Variants in GRM5 observed in about 807,000 individuals in gnomAD.
GRM5 encodes the protein metabotropic glutamate receptor 5.
A neutral mutation model predicts 83.1 loss-of-function variants in GRM5; 19 were observed. That is an observed-to-expected ratio of 0.23 (90% CI 0.16 to 0.34). The LOEUF (loss-of-function observed/expected upper bound fraction) is 0.34, where lower values mean the gene tolerates loss of function less well. Ranked by LOEUF, GRM5 falls within the 10% of genes least tolerant of loss-of-function variation. The probability of loss-of-function intolerance (pLI) is 1.00; values close to 1 mark genes in which losing one functional copy is unlikely to be tolerated. For synonymous variants in GRM5, 675 were observed against 633.6 expected (o/e 1.07, Z -0.98); for missense variants, 1,160 against 1,588.3 (o/e 0.73, Z 4.58).
intron 3 of GRM5, among the ~76,000 whole-genome samples, chr11:88,736,393 CTTG>C (rs1372999790): frequency 6.6e-6 from 1 of 151,998 alleles, no homozygotes; most frequent in Non-Finnish European, 1.5e-5. Context: ...GTCCTGGAGG[CTTG>C]TTTTCTCCCA....
At chr11:88,846,183 T>C in intron 3 of GRM5, among the ~76,000 whole-genome samples, 1 of 152,242 alleles carries the variant, frequency 6.6e-6, no homozygotes, top group East Asian at 1.9e-4. Context: ...ATCTTTTCAG[T>C]TGTTAATTTG....
At chr11:89,013,391 CAAG>C (rs2135094659) in intron 2 of GRM5, among the ~76,000 whole-genome samples, 1 of 152,164 alleles carries the variant, frequency 6.6e-6, no homozygotes, top group East Asian at 1.9e-4. Context: ...TTTAAAAGCA[CAAG>C]AAGAGGGAGG....
Position 88,998,221 on chromosome 11 carries a change from C to T in GRM5, c.661+48991G>A, listed in dbSNP as rs182022427. ...GGTAGAATTCAGCAGTACATAAAAA[C>T]GAATTCAGCAGTTTATACACCATGA... On this transcript the variant is annotated intron_variant, in intron 2 of 9. Transcript: ENST00000305447. Among the ~76,000 whole-genome samples the T allele has an allele frequency of 9.9e-5, 15 of 152,132 alleles. No individual in the cohort carries two copies. The East Asian group carries it at 1.5e-3, about 16-fold the overall frequency.
intron 2 of GRM5, among the ~76,000 whole-genome samples, chr11:88,955,348 G>T (rs915085571): frequency 1.3e-5 from 2 of 152,120 alleles, no homozygotes; most frequent in African/African-American, 4.8e-5. Flanking sequence ...ATCTTATGGT[G>T]ATTATTCAGG....
chr11:88,537,141 C>T (rs149177039), intron 8 of GRM5, among the ~76,000 whole-genome samples: 2 of 152,208 alleles, frequency 1.3e-5, no homozygotes, highest in African/African-American at 4.8e-5. Flanking sequence ...TCTGATGGCA[C>T]ATTTGAGAGA....
At chr11:88,768,314 A>T (rs1006805496) in intron 3 of GRM5, among the ~76,000 whole-genome samples, 3 of 152,028 alleles carry the variant, frequency 2.0e-5, no homozygotes, top group African/African-American at 7.2e-5. Flanking sequence ...CTTTGAGGAG[A>T]TAATGTTAAA....
chr11:88,606,054 G>C (rs1938134332), intron 4 of GRM5, among the ~76,000 whole-genome samples: 1 of 152,164 alleles, frequency 6.6e-6, no homozygotes, highest in Non-Finnish European at 1.5e-5. Context: ...GTATCAATCA[G>C]ATGAAGGGAG....
chr11:89,044,164 G>C (rs1366369053), intron 2 of GRM5, among the ~76,000 whole-genome samples: 4 of 152,256 alleles, frequency 2.6e-5, no homozygotes, highest in East Asian at 1.9e-4. Context: ...TTAGTGCAGA[G>C]AGAGTTCTTA....
At chr11:88,833,284 GC>G (rs549899190) in intron 3 of GRM5, among the ~76,000 whole-genome samples, 1 of 151,376 alleles carries the variant, frequency 6.6e-6, no homozygotes, top group African/African-American at 2.4e-5. Context: ...AACTCCCGCT[GC>G]CCCCCCAAAA....
At chr11:89,055,692 A>G (rs1941859051) in intron 1 of GRM5, among the ~76,000 whole-genome samples, 1 of 151,822 alleles carries the variant, frequency 6.6e-6, no homozygotes, top group Admixed American at 6.6e-5. Flanking sequence ...TTATTTAAAT[A>G]AAATTTTAAT....
At chr11:89,004,417 G>C (rs1940469361) in intron 2 of GRM5, among the ~76,000 whole-genome samples, 1 of 152,080 alleles carries the variant, frequency 6.6e-6, no homozygotes, top group South Asian at 2.1e-4. Flanking sequence ...TTATAGATTT[G>C]ATTATCTCTG....
At chr11:88,895,973 G>A (rs1263504913) in intron 2 of GRM5, among the ~76,000 whole-genome samples, 1 of 151,926 alleles carries the variant, frequency 6.6e-6, no homozygotes, top group African/African-American at 2.4e-5. Context: ...ATTGAGAAAA[G>A]TAACATTAGG....
At chr11:89,040,617 T>C (rs1025073727) in intron 2 of GRM5, among the ~76,000 whole-genome samples, 1 of 152,102 alleles carries the variant, frequency 6.6e-6, no homozygotes, top group African/African-American at 2.4e-5. Context: ...AGGAGGATCG[T>C]TTGAGACCAA....
At chr11:88,992,775 C>A (rs1015664372) in intron 2 of GRM5, among the ~76,000 whole-genome samples, 1 of 151,372 alleles carries the variant, frequency 6.6e-6, no homozygotes, top group Non-Finnish European at 1.5e-5. Flanking sequence ...GGACAAAAAA[C>A]CAAGCACCAC....
At chr11:88,597,950 C>A (rs373492996) in intron 5 of GRM5, among the ~76,000 whole-genome samples, 9 of 152,200 alleles carry the variant, frequency 5.9e-5, no homozygotes, top group African/African-American at 2.2e-4. Context: ...CTTGTGAGTT[C>A]TCAGCCTTTG....
At chr11:88,683,797 T>A (rs903392297) in intron 3 of GRM5, among the ~76,000 whole-genome samples, 2 of 152,210 alleles carry the variant, frequency 1.3e-5, no homozygotes, top group Non-Finnish European at 2.9e-5. Flanking sequence ...CAATATATGA[T>A]AAGAGATAAG....
At chr11:88,639,377 G>A (rs1844213946) in intron 4 of GRM5, among the ~76,000 whole-genome samples, 1 of 151,914 alleles carries the variant, frequency 6.6e-6, no homozygotes, top group Non-Finnish European at 1.5e-5. Context: ...ACTTTAGAAG[G>A]GTCACATCTT....
chr11:88,734,886 A>T (rs753821922), intron 3 of GRM5, among the ~76,000 whole-genome samples: 4 of 152,106 alleles, frequency 2.6e-5, no homozygotes, highest in Non-Finnish European at 5.9e-5. Context: ...TTTGGTAACC[A>T]GATGGCTGTG....
chr11:88,621,258 C>T (rs961109983), intron 4 of GRM5, among the ~76,000 whole-genome samples: 3 of 152,152 alleles, frequency 2.0e-5, no homozygotes, highest in Non-Finnish European at 4.4e-5. Flanking sequence ...TTATCTTCAT[C>T]GCCACCATTC....
Sources: gnomAD v4.1 joint callset for allele counts (sites outside exome capture counted in the v4.1 genomes callset) on GRCh38, gnomAD v4.1.1 for gene constraint, MANE v1.5 for transcripts, NCBI Gene and HGNC (gene_info 2026-07-23, HGNC 2026-07-21) for gene names.